Variants in GTF2IRD1 observed in about 807,000 individuals in gnomAD.
The protein encoded by GTF2IRD1 is GTF2I repeat domain containing 1.
GTF2IRD1 carries 26 observed loss-of-function variants against 113.2 expected under a neutral mutation model. The observed-to-expected ratio is 0.23, with a 90% CI of 0.17 to 0.32. The LOEUF (loss-of-function observed/expected upper bound fraction) is 0.32, where lower values mean the gene tolerates loss of function less well. Ranked by LOEUF, GTF2IRD1 falls within the 10% of genes least tolerant of loss-of-function variation. GTF2IRD1 has a pLI of 1.00. For missense variants in GTF2IRD1, 864 were observed against 1,280.8 expected, an observed-to-expected ratio of 0.67 and a Z score of 4.97; for synonymous variants, 484 against 529.1, an observed-to-expected ratio of 0.91 and a Z score of 1.17.
At chr7:74,511,296 A>T (rs1367074610) in intron 2 of GTF2IRD1, among the ~76,000 whole-genome samples, 2 of 152,154 alleles carry the variant, frequency 1.3e-5, no homozygotes, top group Non-Finnish European at 2.9e-5. Context: ...GGGTGGGCTG[A>T]AGGGATGTGC....
Position 74,557,646 on chromosome 7 carries a change from T to C in GTF2IRD1, c.2031T>C (p.Tyr677=), listed in dbSNP as rs1554357455. 5 of 1,612,860 alleles carry C rather than the reference T, an allele frequency of 3.1e-6. No homozygotes were observed. The highest frequency in any genetic ancestry group is 4.2e-6 in the Non-Finnish European group (5 of 1,178,968). ...SLKRQGFQEN[Y]DARLSRIDIA... The stretch of plus-strand genomic sequence containing the variant: ...TCGTTTTGCGCTTTGCAGAAAATTA[T>C]GACGCGAGGCTCTCACGGATCGACA... The change falls in exon 20 of 27, where the codon TAT becomes TAC. Residue 677 remains tyrosine (Y), a synonymous_variant. Coordinates refer to ENST00000424337, the MANE Select transcript of GTF2IRD1 (RefSeq NM_005685.4).
At chr7:74,531,041 C>T (rs1797936400) in intron 9 of GTF2IRD1, among the ~76,000 whole-genome samples, 1 of 151,902 alleles carries the variant, frequency 6.6e-6, no homozygotes, top group Non-Finnish European at 1.5e-5. Flanking sequence ...TGCACTCCAG[C>T]CTGGGTGACA....
intron 22 of GTF2IRD1, among the ~76,000 whole-genome samples, chr7:74,561,853 G>A (rs1554359142): frequency 6.6e-6 from 1 of 152,150 alleles, no homozygotes; most frequent in East Asian, 1.9e-4. Flanking sequence ...ATAGCTAGGA[G>A]GTTGACGCTA....
At chr7:74,483,906 C>CAAAAATGCAG (rs1794880320) in intron 1 of GTF2IRD1, among the ~76,000 whole-genome samples, 1 of 151,694 alleles carries the variant, frequency 6.6e-6, no homozygotes, top group African/African-American at 2.4e-5. Flanking sequence ...CTAAGTGGAG[C>CAAAAATGCAG]AAAAATGCAG....
intron 1 of GTF2IRD1, among the ~76,000 whole-genome samples, chr7:74,455,773 C>T (rs1399954092): frequency 3.9e-5 from 6 of 152,258 alleles, no homozygotes; most frequent in Non-Finnish European, 7.4e-5. Flanking sequence ...GTCCACACCT[C>T]GTTCTTCCAC....
At chr7:74,525,413 A>G (rs1797542355) in intron 8 of GTF2IRD1, among the ~76,000 whole-genome samples, 1 of 152,138 alleles carries the variant, frequency 6.6e-6, no homozygotes, top group Non-Finnish European at 1.5e-5. Context: ...AGCACCCAGG[A>G]CAGAGTCAGG....
intron 22 of GTF2IRD1, among the ~76,000 whole-genome samples, chr7:74,580,278 G>C (rs1801334184): frequency 6.6e-6 from 1 of 152,188 alleles, no homozygotes; most frequent in South Asian, 2.1e-4. Context: ...AGTGGTTCAG[G>C]AGGGGAGAGA....
chr7:74,544,728 T>C, intron 14 of GTF2IRD1, 27 bp from the exon 15 acceptor site: 1 of 1,612,150 alleles, frequency 6.2e-7, no homozygotes, highest in Non-Finnish European at 8.5e-7. Context: ...TGAATGTGGC[T>C]TCCCGGCATC....
At chr7:74,484,639 A>G (rs951301357) in intron 1 of GTF2IRD1, among the ~76,000 whole-genome samples, 3 of 151,718 alleles carry the variant, frequency 2.0e-5, no homozygotes, top group Non-Finnish European at 2.9e-5. Flanking sequence ...TTGTATTTTT[A>G]GTAGAGACGA....
chr7:74,507,768 A>C (rs1169490337), intron 1 of GTF2IRD1: 5 of 296,898 alleles, frequency 1.7e-5, no homozygotes, highest in African/African-American at 1.1e-4. Flanking sequence ...TGTGGCCAGA[A>C]TTGCACACGC....
At chr7:74,591,467 C>T (rs1227881975) in intron 24 of GTF2IRD1, among the ~76,000 whole-genome samples, 2 of 150,468 alleles carry the variant, frequency 1.3e-5, no homozygotes, top group Admixed American at 6.6e-5. Flanking sequence ...CACGCTTCAC[C>T]TCCTGAGTTC....
chr7:74,459,796 A>G (rs1433758899), intron 1 of GTF2IRD1, among the ~76,000 whole-genome samples: 1 of 152,056 alleles, frequency 6.6e-6, no homozygotes, highest in Non-Finnish European at 1.5e-5. Context: ...GAGGTCTTGC[A>G]TTTTATCTGC....
At chr7:74,466,042 A>G (rs1164883582) in intron 1 of GTF2IRD1, among the ~76,000 whole-genome samples, 2 of 152,162 alleles carry the variant, frequency 1.3e-5, no homozygotes, top group African/African-American at 2.4e-5. Context: ...ATGTGTTGGG[A>G]TTATAGGCAT....
intron 1 of GTF2IRD1, among the ~76,000 whole-genome samples, chr7:74,472,677 G>A (rs530901855): frequency 4.6e-5 from 7 of 152,284 alleles, no homozygotes; most frequent in East Asian, 1.9e-4. Flanking sequence ...GCTTCAACCC[G>A]GGAGGCGGAG....
intron 1 of GTF2IRD1, among the ~76,000 whole-genome samples, chr7:74,491,942 A>G (rs546214805): frequency 6.0e-4 from 91 of 152,298 alleles, no homozygotes; most frequent in African/African-American, 2.2e-3. Context: ...ACAACAGTGT[A>G]TAAGTGTTCC....
chr7:74,593,511 A>G (rs1554370740), intron 24 of GTF2IRD1, among the ~76,000 whole-genome samples: 1 of 149,996 alleles, frequency 6.7e-6, no homozygotes. Flanking sequence ...AGGCTGGCAG[A>G]TCACAAGGTC....
chr7:74,526,901 A>T (rs1389158439), intron 8 of GTF2IRD1, among the ~76,000 whole-genome samples: 4 of 152,154 alleles, frequency 2.6e-5, no homozygotes, highest in Admixed American at 6.6e-5. Flanking sequence ...TGGATGCCAA[A>T]GCCGCCAACG....
At chr7:74,496,851 C>T (rs982044843) in intron 1 of GTF2IRD1, among the ~76,000 whole-genome samples, 67 of 152,156 alleles carry the variant, frequency 4.4e-4, no homozygotes, top group African/African-American at 1.6e-3. Flanking sequence ...TCTCTTCCCC[C>T]CTCCCCCCAT....
chr7:74,456,333 G>T (rs1275173700), intron 1 of GTF2IRD1, among the ~76,000 whole-genome samples: 2 of 152,112 alleles, frequency 1.3e-5, no homozygotes, highest in Admixed American at 1.3e-4. Flanking sequence ...GCTCCCAGAT[G>T]ATTCTCATTC....
Sources: gnomAD v4.1 joint callset for allele counts (sites outside exome capture counted in the v4.1 genomes callset) on GRCh38, gnomAD v4.1.1 for gene constraint, MANE v1.5 for transcripts, NCBI Gene and HGNC (gene_info 2026-07-23, HGNC 2026-07-21) for gene names.